Variants in DRD2 observed in about 807,000 individuals in gnomAD.
DRD2 encodes the protein D(2) dopamine receptor.
Under a neutral mutation model 38.0 loss-of-function variants are expected in DRD2, and 8 were observed. The observed-to-expected ratio is 0.21, with a 90% confidence interval of 0.12 to 0.38. The LOEUF (loss-of-function observed/expected upper bound fraction) is 0.38, where lower values mean the gene tolerates loss of function less well. DRD2 is among the 10% of genes least tolerant of loss of function. The pLI, the probability that DRD2 is intolerant of heterozygous loss-of-function variation, is 1.00. For missense variants in DRD2, 403 were observed against 607.7 expected (o/e 0.66, Z 3.54); for synonymous variants, 230 against 238.6 (o/e 0.96, Z 0.33).
intron 7 of DRD2, chr11:113,412,183 T>G: frequency 3.2e-6 from 1 of 314,872 alleles, no homozygotes; most frequent in South Asian, 4.0e-5. Context: ...ATGACAGCCC[T>G]GAGAAGTAAC....
At chr11:113,412,232 T>A (rs2138155696) in intron 7 of DRD2, 1 of 420,318 alleles carries the variant, frequency 2.4e-6, no homozygotes, top group African/African-American at 2.0e-5. Flanking sequence ...AGAAAGTGAC[T>A]TTCCTGGGCA....
Position 113,424,520 on chromosome 11 carries a change from G to A in DRD2, c.132C>T (p.Leu44=), listed in dbSNP as rs4986918. 5,542 of 1,614,256 alleles carry A rather than the reference G, an allele frequency of 3.4e-3. 162 individuals carry two copies. The African/African-American group carries it at 0.064, about 19-fold the overall frequency. The stretch of plus-strand genomic sequence containing the variant: ...CGTTGCCGAAGACGATGACAGCGAT[G>A]AGCAGGGTGAGCAGTGTGGCATAGT... The part of the protein sequence containing the change: ...YNYYATLLTL[L]IAVIVFGNVL... The change falls in exon 2 of 8, where the codon CTC becomes CTT. Residue 44 remains leucine, a synonymous_variant. Coordinates refer to ENST00000362072, the MANE Select transcript of DRD2 (RefSeq NM_000795.4).
At chr11:113,471,290 T>C (rs1951422579) in intron 1 of DRD2, among the ~76,000 whole-genome samples, 1 of 152,180 alleles carries the variant, frequency 6.6e-6, no homozygotes, top group South Asian at 2.1e-4. Flanking sequence ...AAAAGTATAT[T>C]AATATTAGAT....
intron 1 of DRD2, among the ~76,000 whole-genome samples, chr11:113,453,189 C>T (rs1438526869): frequency 2.6e-5 from 4 of 152,116 alleles, no homozygotes; most frequent in Non-Finnish European, 5.9e-5. Flanking sequence ...AACATCAAGT[C>T]CTAGGTTCAC....
intron 1 of DRD2, among the ~76,000 whole-genome samples, chr11:113,435,057 G>C (rs1316246824): frequency 2.0e-5 from 3 of 152,188 alleles, no homozygotes; most frequent in African/African-American, 7.2e-5. Flanking sequence ...AGGTGGCCAG[G>C]TGGCCCTGGG....
chr11:113,436,962 G>A (rs745647565), intron 1 of DRD2, among the ~76,000 whole-genome samples: 18 of 152,096 alleles, frequency 1.2e-4, no homozygotes, highest in Non-Finnish European at 2.2e-4. Context: ...CCCTGGGGAC[G>A]AGCCCTGGCA....
intron 1 of DRD2, among the ~76,000 whole-genome samples, chr11:113,442,336 C>T (rs1331972296): frequency 1.3e-5 from 2 of 152,172 alleles, no homozygotes; most frequent in Non-Finnish European, 2.9e-5. Context: ...TAAGTTTGTG[C>T]CCCGTGTTTT....
At chr11:113,447,333 G>A (rs1474680579) in intron 1 of DRD2, among the ~76,000 whole-genome samples, 1 of 152,110 alleles carries the variant, frequency 6.6e-6, no homozygotes, top group African/African-American at 2.4e-5. Flanking sequence ...TCCTGGGGGA[G>A]CTCTCTCGGG....
intron 1 of DRD2, among the ~76,000 whole-genome samples, chr11:113,433,865 C>T (rs1426130424): frequency 6.6e-6 from 1 of 152,214 alleles, no homozygotes; most frequent in Admixed American, 6.5e-5. Flanking sequence ...CCCAGTCTTA[C>T]CTCCCACCTC....
Position 113,467,006 on chromosome 11 carries a change from A to G in DRD2, c.-32+8070T>C, listed in dbSNP as rs1951376129. ...CAGACCTTCAACTACACATACTACT[A>G]AAGAAAAATAGTGTGTGGAAACATG... On this transcript the variant is annotated intron_variant, in intron 1 of 7. Transcript: ENST00000362072. Among the ~76,000 whole-genome samples, 4 of 152,252 alleles carry G rather than the reference A, an allele frequency of 2.6e-5. No individual in the cohort carries two copies. In the South Asian group the frequency reaches 8.3e-4, roughly 32 times the overall value.
At chr11:113,462,336 G>T (rs1951329930) in intron 1 of DRD2, among the ~76,000 whole-genome samples, 1 of 152,200 alleles carries the variant, frequency 6.6e-6, no homozygotes, top group Non-Finnish European at 1.5e-5. Flanking sequence ...AGCTCAGAAG[G>T]TGACCTCATT....
intron 1 of DRD2, among the ~76,000 whole-genome samples, chr11:113,436,965 C>A (rs1289058267): frequency 6.6e-6 from 1 of 152,162 alleles, no homozygotes; most frequent in Non-Finnish European, 1.5e-5. Flanking sequence ...TGGGGACGAG[C>A]CCTGGCAACC....
At chr11:113,447,212 ACT>A (rs1951159069) in intron 1 of DRD2, among the ~76,000 whole-genome samples, 2 of 151,918 alleles carry the variant, frequency 1.3e-5, no homozygotes, top group Non-Finnish European at 2.9e-5. Flanking sequence ...GCACGGCCAC[ACT>A]CTGTTCTGTT....
At position 113,424,381 on chromosome 11, in the gene DRD2, C is replaced by A. The variant is rs773154659; in HGVS notation, c.271G>T (p.Val91Phe). The stretch of plus-strand genomic sequence containing the variant: ...GGCCCACCTACCTCCAGGTAGACAA[C>A]CCAGGGCATGACCAGTGTGGCGACG... ...LLVATLVMPW[V>F]VYLEVVGEWK... The change falls in exon 2 of 8, where the codon GTT becomes TTT. Residue 91 changes from valine (V) to phenylalanine (F), a missense_variant. By Grantham distance (50) the Val-to-Phe change is conservative (BLOSUM62 -1). This residue lies in a region of DRD2 where 162 missense variants were observed against 254.5 expected (regional missense o/e 0.64). Transcript: ENST00000362072. 1.9e-6 allele frequency: 3 copies of A among 1,614,142 alleles called. No individual in the cohort carries two copies. In the South Asian group the frequency reaches 3.3e-5, roughly 18 times the overall value.
At chr11:113,452,474 G>GCA (rs1309075945) in intron 1 of DRD2, among the ~76,000 whole-genome samples, 1 of 62,010 alleles carries the variant, frequency 1.6e-5, no homozygotes, top group South Asian at 5.0e-4. Context: ...GTGTGTGCGC[G>GCA]CGCGCGCGCG....
chr11:113,413,742 G>T (rs964225859), intron 6 of DRD2: 3 of 211,906 alleles, frequency 1.4e-5, no homozygotes, highest in Non-Finnish European at 2.9e-5. Context: ...AGGATGGAAT[G>T]CCTGCTGCTT....
intron 1 of DRD2, among the ~76,000 whole-genome samples, chr11:113,470,208 C>T (rs923384656): frequency 6.6e-6 from 1 of 152,190 alleles, no homozygotes; most frequent in African/African-American, 2.4e-5. Flanking sequence ...TGTCTTTCTC[C>T]TGCTGGGCCA....
rs868274541 is a variant in DRD2 at position 113,412,146 on chromosome 11, A to G, written c.1138+410T>C. The G allele has an allele frequency of 2.6e-5, 7 of 269,974 alleles. No individual in the cohort carries two copies. In the South Asian group the frequency reaches 3.5e-4, roughly 14 times the overall value. 16.7% of individuals were successfully genotyped at this position (269,974 alleles called of 1,614,324 possible). ...ACATATGGATAGTGCTTTGTAGTTT[A>G]GAAAATGCTTTCACCAACTGATTGC... On this transcript the variant is annotated intron_variant, in intron 7 of 7. Transcript: ENST00000362072.
chr11:113,410,650 C>T lies in DRD2; in HGVS notation c.*77G>A, dbSNP rs1350898557. The T allele has an allele frequency of 6.3e-7, 1 of 1,586,802 alleles. No individual in the cohort carries two copies. Among genetic ancestry groups the T allele is most frequent in the East Asian group, 2.2e-5 (1 of 44,724 alleles). On this transcript the variant is annotated 3_prime_UTR_variant, in exon 8 of 8. Transcript: ENST00000362072. The stretch of plus-strand genomic sequence containing the variant: ...GCCGATCCACCCAGGCCTTCCTGCT[C>T]ACGGTTCGCAAGGGTGAGGCTGGCC...
Sources: allele counts gnomAD v4.1 joint callset (sites outside exome capture counted in the v4.1 genomes callset), GRCh38; gene constraint gnomAD v4.1.1; regional missense constraint gnomAD v4.1.1; transcripts MANE v1.5; gene names NCBI Gene and HGNC (gene_info 2026-07-23, HGNC 2026-07-21).